The following C18orf63 variants were observed in gnomAD, a reference collection of about 807,000 sequenced individuals.
C18orf63 encodes the protein uncharacterized protein C18orf63.
C18orf63 carries 50 observed loss-of-function variants against 75.3 expected under a neutral mutation model. The observed-to-expected ratio is 0.66, with a 90% CI of 0.53 to 0.84. C18orf63 has a LOEUF of 0.84. C18orf63 is among the 40% of genes least tolerant of loss of function. The pLI is 0.00. For synonymous variants in C18orf63, 232 were observed against 267.6 expected (o/e 0.87, Z 1.30); for missense variants, 732 against 800.2 (o/e 0.91, Z 1.03).
intron 11 of C18orf63, among the ~76,000 whole-genome samples, chr18:74,346,362 A>G (rs1984575039): frequency 6.6e-6 from 1 of 152,082 alleles, no homozygotes; most frequent in East Asian, 1.9e-4. Flanking sequence ...TGAGACCACA[A>G]TATTATATAC....
chr18:74,327,179 A>G (rs966677090), intron 4 of C18orf63, among the ~76,000 whole-genome samples: 1 of 152,190 alleles, frequency 6.6e-6, no homozygotes, highest in Admixed American at 6.6e-5. Flanking sequence ...CCAGGCCTCC[A>G]TAAACAAGTT....
At chr18:74,316,453 C>T (rs1023393685) in intron 1 of C18orf63, among the ~76,000 whole-genome samples, 1 of 152,184 alleles carries the variant, frequency 6.6e-6, no homozygotes, top group Non-Finnish European at 1.5e-5. Flanking sequence ...CTGAACCCCG[C>T]GCCCCGGGAG....
At chr18:74,318,951 A>G (rs1984073152) in intron 2 of C18orf63, among the ~76,000 whole-genome samples, 1 of 152,136 alleles carries the variant, frequency 6.6e-6, no homozygotes, top group South Asian at 2.1e-4. Flanking sequence ...GAGAAGAACA[A>G]ACAACTAGAA....
rs1431225252 is a variant in C18orf63 at position 74,343,740 on chromosome 18, T to C, written c.978+38T>C. On this transcript the variant is annotated intron_variant, in intron 11 of 13. Transcript: ENST00000579455. ...TTGTCCTATCTAGTTCTCCAAGACA[T>C]ACTATCCATCTATTTTACTTGAATC... 6 of 1,288,094 alleles carry C rather than the reference T, an allele frequency of 4.7e-6. No individual in the cohort carries two copies. In the African/African-American group the frequency reaches 7.6e-5, roughly 16 times the overall value. The allele number at this position is 1,288,094 out of a possible 1,614,324, so 79.8% of individuals were successfully genotyped here.
At chr18:74,325,449 G>A (rs749529141) in intron 4 of C18orf63, among the ~76,000 whole-genome samples, 2 of 152,108 alleles carry the variant, frequency 1.3e-5, no homozygotes, top group Non-Finnish European at 2.9e-5. Flanking sequence ...CCAGAATATA[G>A]TCTATCTTAG....
chr18:74,315,893 CGA>C lies in C18orf63; in HGVS notation c.-247_-246del, dbSNP rs1278989900. 1.3e-5 allele frequency: 2 copies of C among 152,402 alleles called. No homozygotes were observed. The highest frequency in any genetic ancestry group is 4.8e-5 in the African/African-American group (2 of 41,386). 9.4% of individuals were successfully genotyped at this position (152,402 alleles called of 1,614,324 possible). ...AGCCGGGAGCGTCTCCTGAGGGCAG[CGA>C]GGAGGGAGCTGAGGCACGCGGGCTC... On this transcript the variant is annotated 5_prime_UTR_variant, in exon 1 of 14. Coordinates refer to ENST00000579455, the MANE Select transcript of C18orf63 (RefSeq NM_001174123.2).
intron 7 of C18orf63, among the ~76,000 whole-genome samples, 161 bp from the exon 8 acceptor site, chr18:74,338,554 T>TTG (rs777506718): frequency 2.0e-5 from 3 of 152,140 alleles, no homozygotes; most frequent in Non-Finnish European, 4.4e-5. Flanking sequence ...AGCTGCAACT[T>TTG]TGACTACTTA....
Position 74,348,940 on chromosome 18 carries a change from A to G in C18orf63, c.979-4306A>G, listed in dbSNP as rs1984619435. Among the ~76,000 whole-genome samples, 4 of 152,220 alleles carry G rather than the reference A, an allele frequency of 2.6e-5. No homozygotes were observed. In the South Asian group the frequency reaches 8.3e-4, roughly 32 times the overall value. On this transcript the variant is annotated intron_variant, in intron 11 of 13. Transcript: ENST00000579455. ...AAAGAAACTTCTGGAAATTATGTTC[A>G]CCATATGTATATTTCCAAAAGACAG... is the stretch of plus-strand genomic sequence containing the variant.
intron 6 of C18orf63, among the ~76,000 whole-genome samples, chr18:74,329,249 C>T (rs559431736): frequency 1.2e-4 from 18 of 151,844 alleles, no homozygotes; most frequent in Non-Finnish European, 1.8e-4. Flanking sequence ...AGGCACCACA[C>T]CTGTAGCCCC....
At chr18:74,342,902 C>CCATTTCCAT (rs1194375646) in intron 10 of C18orf63, among the ~76,000 whole-genome samples, 1 of 152,090 alleles carries the variant, frequency 6.6e-6, no homozygotes, top group African/African-American at 2.4e-5. Flanking sequence ...CATCTTCTGA[C>CCATTTCCAT]CTGCTGGAGT....
At chr18:74,334,679 A>G (rs540199803) in intron 7 of C18orf63, among the ~76,000 whole-genome samples, 2 of 152,094 alleles carry the variant, frequency 1.3e-5, no homozygotes, top group African/African-American at 4.8e-5. Flanking sequence ...TGAAGAGGTG[A>G]GAAGGAGGAT....
intron 4 of C18orf63, among the ~76,000 whole-genome samples, chr18:74,327,630 C>G (rs1035925442): frequency 1.3e-5 from 2 of 152,282 alleles, no homozygotes; most frequent in South Asian, 4.1e-4. Flanking sequence ...TTGGATTTCT[C>G]TTTGTGGAGC....
chr18:74,317,318 G>T (rs919086091), intron 1 of C18orf63, among the ~76,000 whole-genome samples: 1 of 152,144 alleles, frequency 6.6e-6, no homozygotes, highest in Non-Finnish European at 1.5e-5. Context: ...GCCTCCAATA[G>T]AATTTGAAAG....
In C18orf63 at chr18:74,356,610, A is replaced by C. The variant is rs977407872; in HGVS notation, c.*163A>C. The stretch of plus-strand genomic sequence containing the variant: ...TTGACAGTTTCTTTTTATTGTTTGC[A>C]TAGCATCTTGTTGTATGTGGGTTTC... On this transcript the variant is annotated 3_prime_UTR_variant, in exon 14 of 14. Transcript: ENST00000579455. 6.6e-6 allele frequency: 1 copy of C among 152,610 alleles called. No homozygotes were observed. The highest frequency in any genetic ancestry group is 2.1e-4 in the South Asian group (1 of 4,820). 9.5% of individuals were successfully genotyped at this position (152,610 alleles called of 1,614,324 possible).
intron 7 of C18orf63, among the ~76,000 whole-genome samples, chr18:74,335,841 T>C (rs924642482): frequency 2.0e-5 from 3 of 152,128 alleles, no homozygotes; most frequent in Non-Finnish European, 2.9e-5. Context: ...AGGGAACATT[T>C]ACTGAGTACT....
chr18:74,347,489 T>C (rs775173841), intron 11 of C18orf63, among the ~76,000 whole-genome samples: 6 of 152,138 alleles, frequency 3.9e-5, no homozygotes, highest in Non-Finnish European at 8.8e-5. Flanking sequence ...CCTTGGGCAT[T>C]GGCCCTCTGT....
rs1361594679 is a variant in C18orf63, at chr18:74,356,655, A to G, written c.*208A>G. ...GGTTTCTGTATTTAACTAGTCCCCT[A>G]TTGATAGACACTTCAGTTCTTCCCA... On this transcript the variant is annotated 3_prime_UTR_variant, in exon 14 of 14. Coordinates refer to ENST00000579455, the MANE Select transcript of C18orf63 (RefSeq NM_001174123.2). The G allele has an allele frequency of 1.3e-5, 2 of 152,238 alleles. No individual in the cohort carries two copies. Among genetic ancestry groups the G allele is most frequent in the Admixed American group, 6.6e-5 (1 of 15,250 alleles). 9.4% of individuals were successfully genotyped at this position (152,238 alleles called of 1,614,324 possible). A position where few individuals can be genotyped will look rare whatever the true frequency, so the allele number is the denominator to read the frequency against.
At chr18:74,353,186 C>A (rs1984696248) in intron 11 of C18orf63, 60 bp from the exon 12 acceptor site, 1 of 1,052,086 alleles carries the variant, frequency 9.5e-7, no homozygotes, top group Non-Finnish European at 1.3e-6. Flanking sequence ...TATTTTATTT[C>A]TTTTCCATTA....
intron 4 of C18orf63, among the ~76,000 whole-genome samples, chr18:74,326,829 C>T (rs1300662734): frequency 1.3e-5 from 2 of 152,096 alleles, no homozygotes; most frequent in Admixed American, 6.6e-5. Context: ...AAGTGAAAAT[C>T]TTAATTTTTA....
Sources: allele counts gnomAD v4.1 joint callset (sites outside exome capture counted in the v4.1 genomes callset), GRCh38; gene constraint gnomAD v4.1.1; transcripts MANE v1.5; gene names NCBI Gene and HGNC (gene_info 2026-07-23, HGNC 2026-07-21).